Variants in ABCC9 observed in about 807,000 individuals in gnomAD.
The protein encoded by ABCC9 is ATP-binding cassette sub-family C member 9.
In ABCC9, 95 loss-of-function variants were observed where a neutral mutation model predicts 188.3. The ratio of observed to expected loss-of-function variants is 0.50; its 90% confidence interval spans 0.43 to 0.60. ABCC9 has a LOEUF of 0.60. Among genes scored for constraint, ABCC9 ranks in the 20% least tolerant of loss-of-function variants. ABCC9 has a pLI of 0.00. For synonymous variants in ABCC9, 659 were observed against 652.7 expected (o/e 1.01, Z -0.15); for missense variants, 1,102 against 1,876.3 (o/e 0.59, Z 7.62).
chr12:21,833,395 G>A (rs1256515159), intron 30 of ABCC9, among the ~76,000 whole-genome samples: 1 of 151,672 alleles, frequency 6.6e-6, no homozygotes, highest in African/African-American at 2.4e-5. Context: ...TCTAATTCAA[G>A]CATTGAAATT....
At chr12:21,891,779 AGAG>A (rs1283530463) in intron 14 of ABCC9, among the ~76,000 whole-genome samples, 4 of 152,178 alleles carry the variant, frequency 2.6e-5, no homozygotes, top group Non-Finnish European at 5.9e-5. Flanking sequence ...CAGTTCCTGA[AGAG>A]GAGATTTCAA....
At chr12:21,805,154 G>T in intron 39 of ABCC9, 1 of 1,613,852 alleles carries the variant, frequency 6.2e-7, no homozygotes, top group Non-Finnish European at 8.5e-7. Flanking sequence ...GACAGACTTG[G>T]TGCAATAGAT....
At chr12:21,870,624 C>T (rs1946022032) in intron 18 of ABCC9, among the ~76,000 whole-genome samples, 1 of 152,092 alleles carries the variant, frequency 6.6e-6, no homozygotes, top group Non-Finnish European at 1.5e-5. Context: ...CTGTTTTTTT[C>T]CTCACGTTTC....
intron 14 of ABCC9, among the ~76,000 whole-genome samples, chr12:21,891,366 T>C (rs1947152173): frequency 6.6e-6 from 1 of 151,458 alleles, no homozygotes; most frequent in South Asian, 2.1e-4. Context: ...TTTTATTATT[T>C]TAGATAATAG....
At chr12:21,866,219 G>A (rs1247192114) in intron 18 of ABCC9, among the ~76,000 whole-genome samples, 1 of 134,476 alleles carries the variant, frequency 7.4e-6, no homozygotes, top group Non-Finnish European at 1.7e-5. Context: ...GATAATGAAG[G>A]GGCTCATAAT....
chr12:21,928,993 T>A (rs1949163974), intron 4 of ABCC9, among the ~76,000 whole-genome samples: 1 of 152,040 alleles, frequency 6.6e-6, no homozygotes, highest in South Asian at 2.1e-4. Context: ...ATTTTTAAAG[T>A]ATTATATTGC....
Position 21,858,298 on chromosome 12 carries a change from G to T in ABCC9, c.2505+1288C>A, listed in dbSNP as rs560532407. On this transcript the variant is annotated intron_variant, in intron 22 of 39. Coordinates refer to ENST00000261200, the MANE Select transcript of ABCC9 (RefSeq NM_020297.4). The stretch of plus-strand genomic sequence containing the variant: ...TATTATAAAAAGAATTTACGGCTGG[G>T]CACAGTGGCTCACAACTGTAATCCT... 5.3e-5 allele frequency among the ~76,000 whole-genome samples: 8 copies of T among 152,208 alleles called. No individual in the cohort carries two copies. The East Asian group carries it at 1.2e-3, about 22-fold the overall frequency.
chr12:21,861,517 C>G (rs1714290634), intron 20 of ABCC9, among the ~76,000 whole-genome samples: 1 of 152,124 alleles, frequency 6.6e-6, no homozygotes, highest in Admixed American at 6.6e-5. Context: ...CAGGCGTGAA[C>G]CACTACGCCC....
At chr12:21,823,855 G>T (rs1012802501) in intron 31 of ABCC9, among the ~76,000 whole-genome samples, 1 of 152,222 alleles carries the variant, frequency 6.6e-6, no homozygotes, top group Non-Finnish European at 1.5e-5. Context: ...AAAACAGTCC[G>T]CTCTGCTGCC....
At position 21,902,093 on chromosome 12, in the gene ABCC9, C is replaced by T. The variant is rs183062566; in HGVS notation, c.1618+4033G>A. 4.1e-3 allele frequency among the ~76,000 whole-genome samples: 623 copies of T among 152,322 alleles called. 5 individuals are homozygous for T. Among genetic ancestry groups the T allele is most frequent in the African/African-American group, 0.014 (562 of 41,568 alleles). ...GTAAAAGAACAGAAATTACAACAAACTGTCTCTCAGACCACAGTGCAATCA... is the reference window on the plus strand; with the variant it reads ...GTAAAAGAACAGAAATTACAACAAATTGTCTCTCAGACCACAGTGCAATCA... On this transcript the variant is annotated intron_variant, in intron 12 of 39. Transcript: ENST00000261200.
chr12:21,885,256 T>C (rs1180603018), intron 15 of ABCC9, among the ~76,000 whole-genome samples: 4 of 152,150 alleles, frequency 2.6e-5, no homozygotes, highest in Non-Finnish European at 5.9e-5. Flanking sequence ...CTTTTTTCAC[T>C]CCATTTTAAA....
rs545988243 is a variant in ABCC9, at chr12:21,928,964, G to A, written c.285-2901C>T. Among the ~76,000 whole-genome samples the A allele has an allele frequency of 2.6e-5, 4 of 152,130 alleles. No individual in the cohort carries two copies. The South Asian group carries it at 8.3e-4, about 32-fold the overall frequency. Reference sequence around the variant, plus strand: ...GTCCCATTACAGCAGAAAGTCTTTAGTCAGAACATTGGAAAGAAATTTTTA... The same window carrying A: ...GTCCCATTACAGCAGAAAGTCTTTAATCAGAACATTGGAAAGAAATTTTTA... On this transcript the variant is annotated intron_variant, in intron 4 of 39. Coordinates refer to ENST00000261200, the MANE Select transcript of ABCC9 (RefSeq NM_020297.4).
rs774065757 is a variant in ABCC9, at chr12:21,809,837, A to C, written c.4315+15T>G. 1 of 1,475,534 alleles carries C rather than the reference A, an allele frequency of 6.8e-7. No individual in the cohort carries two copies. Among genetic ancestry groups the C allele is most frequent in the Non-Finnish European group, 9.5e-7 (1 of 1,056,720 alleles). The allele number at this position is 1,475,534 out of a possible 1,614,324, so 91.4% of individuals were successfully genotyped here. ...GGCATATATAAAAAATAAATATGCTATTTAGGAAATATACCTAGACCTCCA... is the reference window on the plus strand; with the variant it reads ...GGCATATATAAAAAATAAATATGCTCTTTAGGAAATATACCTAGACCTCCA... On this transcript the variant is annotated intron_variant, in intron 37 of 39. Transcript: ENST00000261200.
At chr12:21,925,821 C>T in intron 5 of ABCC9, 121 bp downstream of exon 5, 1 of 1,103,454 alleles carries the variant, frequency 9.1e-7, no homozygotes, top group Non-Finnish European at 1.3e-6. Flanking sequence ...ACTGGTTTTC[C>T]CATACTTTCT....
At chr12:21,875,146 G>C (rs1200467451) in intron 17 of ABCC9, among the ~76,000 whole-genome samples, 1 of 142,288 alleles carries the variant, frequency 7.0e-6, no homozygotes, top group African/African-American at 2.7e-5. Flanking sequence ...CTTTATTGTG[G>C]TGATGGTTTT....
chr12:21,851,530 C>T lies in ABCC9; in HGVS notation c.2769+567G>A, dbSNP rs545787485. On this transcript the variant is annotated intron_variant, in intron 24 of 39. Transcript: ENST00000261200. Reference sequence around the variant, plus strand: ...GGAGTTTGTGAGAATTAAAACACATCATGTAAAAAGGGCTTTGTGGACTTC... The same window carrying T: ...GGAGTTTGTGAGAATTAAAACACATTATGTAAAAAGGGCTTTGTGGACTTC... Among the ~76,000 whole-genome samples, 53 of 152,232 alleles carry T rather than the reference C, an allele frequency of 3.5e-4. 1 individual carries two copies. The highest frequency in any genetic ancestry group is 1.2e-3 in the African/African-American group (50 of 41,550).
chr12:21,866,835 C>T (rs549348743), intron 18 of ABCC9, among the ~76,000 whole-genome samples: 4 of 152,156 alleles, frequency 2.6e-5, no homozygotes, highest in Non-Finnish European at 4.4e-5. Flanking sequence ...AAGAGAAGAA[C>T]AGAGGTTAAG....
intron 10 of ABCC9, 74 bp from the exon 11 acceptor site, chr12:21,908,285 T>C: frequency 6.5e-7 from 1 of 1,528,176 alleles, no homozygotes; most frequent in East Asian, 2.3e-5. Flanking sequence ...ACATAATTTT[T>C]AGTGCAAATG....
At chr12:21,911,675 G>T (rs1948330077) in intron 8 of ABCC9, among the ~76,000 whole-genome samples, 2 of 151,968 alleles carry the variant, frequency 1.3e-5, no homozygotes, top group South Asian at 2.1e-4. Context: ...TATTTTCTAT[G>T]ATTTAGACCT....
Sources: allele counts gnomAD v4.1 joint callset (sites outside exome capture counted in the v4.1 genomes callset), GRCh38; gene constraint gnomAD v4.1.1; transcripts MANE v1.5; gene names NCBI Gene and HGNC (gene_info 2026-07-23, HGNC 2026-07-21).